POLE: variants seen among roughly 807,000 people sequenced by gnomAD.
The protein encoded by POLE is DNA polymerase epsilon, catalytic subunit.
A neutral mutation model predicts 279.2 loss-of-function variants in POLE; 188 were observed. The observed-to-expected ratio is 0.67, with a 90% CI of 0.60 to 0.76. The LOEUF is 0.76. POLE is among the 30% of genes least tolerant of loss of function. The pLI is 0.00. For missense variants in POLE, 2,703 were observed against 3,016.7 expected (o/e 0.90, Z 2.44); for synonymous variants, 1,214 against 1,172.5 (o/e 1.04, Z -0.72).
chr12:132,652,075 C>G lies in POLE; in HGVS notation c.3583-2186G>C, dbSNP rs553409650. ...CTACATGTAAGTTTGTGTGTGTTGA[C>G]TTCCTATCAGGAAAGTTTTCAAACA... On this transcript the variant is annotated intron_variant, in intron 29 of 48. Transcript: ENST00000320574. Among the ~76,000 whole-genome samples, 87 of 152,314 alleles carry G rather than the reference C, an allele frequency of 5.7e-4. 1 individual carries two copies. Among genetic ancestry groups the G allele is most frequent in the Non-Finnish European group, 9.7e-4 (66 of 68,042 alleles).
At position 132,672,832 on chromosome 12, in the gene POLE, C is replaced by T. The variant is rs192173820; in HGVS notation, c.1481G>A (p.Arg494Gln). Reference protein sequence around the residue: ...IIPMEPDEVLRKGSGTLCEAL... With the variant: ...IIPMEPDEVLQKGSGTLCEAL... ...CTCACACAGAGTGCCAGAGCCCTTC[C>T]GCAGCACCTGCAAGAGAAACCAAGG... The change falls in exon 15 of 49, where the codon CGG becomes CAG. Residue 494 changes from arginine to glutamine, a missense_variant. By Grantham distance (43) the Arg-to-Gln change is conservative. Around this residue, in one of 5 missense-constraint regions of POLE, gnomAD observed 1,011 missense variants for 1,111.7 expected, o/e 0.91. Transcript: ENST00000320574. The T allele has an allele frequency of 2.5e-6, 4 of 1,613,778 alleles. No individual in the cohort carries two copies. The African/African-American group carries it at 4.0e-5, about 16-fold the overall frequency.
rs1338582924 is a variant in POLE, at chr12:132,668,883, G to A, written c.1851C>T (p.Ile617=). 2.5e-6 allele frequency: 4 copies of A among 1,613,916 alleles called. No individual in the cohort carries two copies. Among genetic ancestry groups the A allele is most frequent in the Admixed American group, 1.7e-5 (1 of 59,994 alleles). ...LASLKDVPSR[I]ECPLIYHLDV... ...CCAGGTGGTAGATGAGTGGACACTC[G>A]ATGCGGCTGGGAACGTCCTTCAGGG... is the stretch of plus-strand genomic sequence containing the variant. Residue 617 remains isoleucine, a synonymous_variant, in exon 17 of 49, where the codon ATC becomes ATT. Transcript: ENST00000320574. The surrounding 1 kb of genome is among the most constrained non-coding windows in gnomAD (Gnocchi z 4.0).
intron 16 of POLE, among the ~76,000 whole-genome samples, chr12:132,670,836 T>C (rs1172589372): frequency 6.6e-6 from 1 of 152,130 alleles, no homozygotes; most frequent in African/African-American, 2.4e-5. Context: ...CAAGGCTCTC[T>C]TCCTGATCGG....
rs1593730668 is a variant in POLE at position 132,642,526 on chromosome 12, C to CGACA, written c.4928_4931dup (p.Gln1645ValfsTer50). 1.2e-6 allele frequency: 2 copies of CGACA among 1,613,670 alleles called. No homozygotes were observed. The highest frequency in any genetic ancestry group is 1.7e-6 in the Non-Finnish European group (2 of 1,179,998). On this transcript the variant is annotated frameshift_variant, in exon 37 of 49. Transcript: ENST00000320574. LOFTEE classifies it high-confidence loss of function. ...CTCACCTGCTCATCTCGAAGGCCTG[C>CGACA]GACAGGCAGGTGTCCAGGTTGAGGT...
chr12:132,667,443 T>G (rs1279400836), intron 20 of POLE, 60 bp downstream of exon 20: 9 of 1,582,652 alleles, frequency 5.7e-6, no homozygotes, highest in Admixed American at 1.7e-5. Context: ...AGTGCCCACT[T>G]CATGAGCCGA....
At chr12:132,657,552 T>C (rs2042574011) in intron 27 of POLE, 123 bp from the exon 28 acceptor site, 7 of 834,406 alleles carry the variant, frequency 8.4e-6, no homozygotes, top group South Asian at 6.6e-5. Context: ...AACTCTATGA[T>C]GAAAGGTGCC....
At chr12:132,631,018 G>C (rs995887408) in intron 45 of POLE, among the ~76,000 whole-genome samples, 1 of 152,238 alleles carries the variant, frequency 6.6e-6, no homozygotes, top group African/African-American at 2.4e-5. Flanking sequence ...GTTTACAGCA[G>C]CTTTGTTATT....
chr12:132,635,846 C>T lies in POLE; in HGVS notation c.5811+46G>A, dbSNP rs5744992. ...ACTCAGCACTTGCTGCAGGAATGAACGCGACCCCCAAAGCTGGCTCGGGTG... is the reference window on the plus strand; with the variant it reads ...ACTCAGCACTTGCTGCAGGAATGAATGCGACCCCCAAAGCTGGCTCGGGTG... On this transcript the variant is annotated intron_variant, in intron 42 of 48. Transcript: ENST00000320574. 2.0e-3 allele frequency: 3,073 copies of T among 1,573,858 alleles called. 42 individuals carry two copies. The African/African-American group carries it at 0.036, about 18-fold the overall frequency.
chr12:132,642,939 G>C lies in POLE; in HGVS notation c.4609C>G (p.Leu1537Val), dbSNP rs1418237375. 6.2e-7 allele frequency: 1 copy of C among 1,612,118 alleles called. No individual in the cohort carries two copies. The highest frequency in any genetic ancestry group is 8.5e-7 in the Non-Finnish European group (1 of 1,179,406). The change falls in exon 36 of 49, where the codon CTC becomes GTC. Residue 1537 changes from leucine (L) to valine (V), a missense_variant. By Grantham distance (32) the Leu-to-Val change is conservative. Around this residue, in one of 5 missense-constraint regions of POLE, gnomAD observed 1,551 missense variants for 1,686.1 expected, o/e 0.92. Coordinates refer to ENST00000320574, the MANE Select transcript of POLE (RefSeq NM_006231.4). ...AGCTCAGGGCCCACCTTCTCCAGGA[G>C]GAGGCCGTGCTCTGCTGAGTACAGG... ...GALYSAEHGL[L>V]LEKVGPELLP...
At chr12:132,667,778 A>G (rs1282539121) in intron 19 of POLE, 130 bp from the exon 20 acceptor site, 2 of 982,582 alleles carry the variant, frequency 2.0e-6, no homozygotes, top group Non-Finnish European at 3.1e-6. Context: ...ATACACTGCT[A>G]GTTTCTCATA....
intron 13 of POLE, 105 bp downstream of exon 13, chr12:132,673,470 G>A (rs145492144): frequency 3.0e-5 from 45 of 1,517,214 alleles, no homozygotes; most frequent in South Asian, 4.8e-5. Context: ...GCGTGCACAC[G>A]GCAGCAGGGG....
intron 25 of POLE, chr12:132,659,744 G>A (rs1287479776): frequency 2.0e-6 from 1 of 495,554 alleles, no homozygotes; most frequent in Admixed American, 3.5e-5. Context: ...CCAGGCTGGA[G>A]TGCAGTGGTG....
intron 1 of POLE, among the ~76,000 whole-genome samples, chr12:132,683,819 T>C (rs2136042720): frequency 6.6e-6 from 1 of 152,346 alleles, no homozygotes; most frequent in South Asian, 2.1e-4. Context: ...CCAAAACTGC[T>C]TTCTCTGAGC....
chr12:132,681,436 C>T (rs923300071), intron 1 of POLE, among the ~76,000 whole-genome samples, 157 bp from the exon 2 acceptor site: 127 of 151,440 alleles, frequency 8.4e-4, no homozygotes, highest in Non-Finnish European at 1.1e-3. Context: ...CTCCGCCTCC[C>T]GGGTTCACGC....
Position 132,625,741 on chromosome 12 carries a change from G to A in POLE, c.6561C>T (p.Cys2187=), listed in dbSNP as rs1350880393. 1.2e-6 allele frequency: 2 copies of A among 1,612,758 alleles called. No individual in the cohort carries two copies. Among genetic ancestry groups the A allele is most frequent in the South Asian group, 1.1e-5 (1 of 91,086 alleles). The change falls in exon 47 of 49, where the codon TGC becomes TGT. Residue 2187 remains cysteine, a synonymous_variant. Coordinates refer to ENST00000320574, the MANE Select transcript of POLE (RefSeq NM_006231.4). ...AGTCGTAGGGCGCCTGACAGTTGGA[G>A]CAGAGCCACTGAGGCAGGACCGCCC... ...EDGAVLPQWL[C]SNCQAPYDSS... is the part of the protein sequence containing the mutation.
chr12:132,680,534 C>A, intron 3 of POLE, 73 bp downstream of exon 3: 1 of 1,220,286 alleles, frequency 8.2e-7, no homozygotes, highest in South Asian at 1.2e-5. Context: ...CCTCCCATGC[C>A]CTCCCTGACA....
rs865998115 is a variant in POLE, at chr12:132,684,969, T to C, written c.62+2285A>G. Among the ~76,000 whole-genome samples the C allele has an allele frequency of 3.8e-4, 21 of 55,928 alleles. 1 individual carries two copies. The highest frequency in any genetic ancestry group is 0.012 in the Middle Eastern group (1 of 86). 36.7% of individuals were successfully genotyped at this position (55,928 alleles called of 152,430 possible). ...GAGCTACCATTGACTGGTTACTGTA[T>C]CACACCGTCCCAGTACTCCACACAG... On this transcript the variant is annotated intron_variant, in intron 1 of 48. Coordinates refer to ENST00000320574, the MANE Select transcript of POLE (RefSeq NM_006231.4).
Position 132,672,726 on chromosome 12 carries a change from G to A in POLE, c.1587C>T (p.Asp529=), listed in dbSNP as rs574092762. 12 of 1,614,136 alleles carry A rather than the reference G, an allele frequency of 7.4e-6. No individual in the cohort carries two copies. Among genetic ancestry groups the A allele is most frequent in the East Asian group, 6.7e-5 (3 of 44,882 alleles). ...KQEQEFNKLT[D]DGHVLDSETY... is the part of the protein sequence containing the mutation. ...TCTCAGAGTCCAGCACGTGTCCGTC[G>A]TCCGTCAGCTTATTGAACTCCTGCT... is the stretch of plus-strand genomic sequence containing the variant. Residue 529 remains aspartate, a synonymous_variant, in exon 15 of 49, where the codon GAC becomes GAT. Transcript: ENST00000320574.
Position 132,675,065 on chromosome 12 carries a change from C to T in POLE, c.1226+333G>A, listed in dbSNP as rs1347178088. Among the ~76,000 whole-genome samples the T allele has an allele frequency of 6.6e-6, 1 of 152,168 alleles. No individual in the cohort carries two copies. The highest frequency in any genetic ancestry group is 2.4e-5 in the African/African-American group (1 of 41,442). The stretch of plus-strand genomic sequence containing the variant: ...CGTGAGGCTTGTCCTGTGAGGCAGC[C>T]GGGCTGCCACATCCCAACCTTGCCT... On this transcript the variant is annotated intron_variant, in intron 12 of 48. Coordinates refer to ENST00000320574, the MANE Select transcript of POLE (RefSeq NM_006231.4). This position sits in a 1 kb window ranked among gnomAD's most constrained non-coding sequence, Gnocchi z 4.3.
Sources: gnomAD v4.1 joint callset for allele counts (sites outside exome capture counted in the v4.1 genomes callset) on GRCh38, gnomAD v4.1.1 for gene constraint, gnomAD v4.1.1 regional missense constraint, Gnocchi (gnomAD v3.1) non-coding constraint, MANE v1.5 for transcripts, NCBI Gene and HGNC (gene_info 2026-07-23, HGNC 2026-07-21) for gene names.